Variants in CYP4F2 observed in about 807,000 individuals in gnomAD.
CYP4F2 encodes the protein cytochrome P450 family 4 subfamily F member 2, also known as cytochrome P450 4F2.
A neutral mutation model predicts 58.9 loss-of-function variants in CYP4F2; 58 were observed. The ratio of observed to expected loss-of-function variants is 0.98; its 90% CI spans 0.80 to 1.23. The LOEUF is 1.23. CYP4F2 is among the 50% of genes most tolerant of loss of function. The pLI is 0.00. For missense variants in CYP4F2, 616 were observed against 685.6 expected, an observed-to-expected ratio of 0.90 and a Z score of 1.13; for synonymous variants, 287 against 261.1, an observed-to-expected ratio of 1.10 and a Z score of -0.95.
At chr19:15,895,461 T>G in intron 3 of CYP4F2, 45 bp downstream of exon 3, 1 of 1,462,822 alleles carries the variant, frequency 6.8e-7, no homozygotes, top group Non-Finnish European at 9.0e-7. Context: ...ATAGCGGAAG[T>G]GCAGGCCTCA....
At chr19:15,886,385 A>C in intron 7 of CYP4F2, 77 bp from the exon 8 acceptor site, 1 of 1,444,102 alleles carries the variant, frequency 6.9e-7, no homozygotes, top group Non-Finnish European at 9.4e-7. Flanking sequence ...TCTTGAGTCT[A>C]ATCTGAGACA....
chr19:15,879,856 T>C lies in CYP4F2; in HGVS notation c.1157A>G (p.Lys386Arg). ...AHLPFLTMCM[K>R]ESLRLHPPVP... ...TGGGGGATGCAGCCGCAGGCTCTCC[T>C]TCATGCACATGGTCAGGAAGGGCAA... Residue 386 changes from lysine to arginine, a missense_variant, in exon 10 of 13, where the codon AAG becomes AGG. Transcript: ENST00000221700. The C allele has an allele frequency of 6.2e-7, 1 of 1,614,150 alleles. No homozygotes were observed. Among genetic ancestry groups the C allele is most frequent in the Non-Finnish European group, 8.5e-7 (1 of 1,180,024 alleles).
At chr19:15,886,178 C>T (rs1178056154) in intron 8 of CYP4F2, 64 bp downstream of exon 8, 6 of 1,611,690 alleles carry the variant, frequency 3.7e-6, no homozygotes, top group African/African-American at 1.3e-5. Flanking sequence ...TGGGGGTCTA[C>T]CCACCCTGTT....
intron 7 of CYP4F2, among the ~76,000 whole-genome samples, chr19:15,887,753 T>G (rs1421909409): frequency 2.0e-4 from 30 of 150,036 alleles, no homozygotes; most frequent in African/African-American, 4.5e-4. Context: ...CAAATACACG[T>G]AAACATAGAC....
In CYP4F2 at chr19:15,895,561, G is replaced by C; in HGVS notation, c.288C>G (p.Ser96=). 1.9e-6 allele frequency: 3 copies of C among 1,559,016 alleles called. No homozygotes were observed. Among genetic ancestry groups the C allele is most frequent in the Non-Finnish European group, 2.6e-6 (3 of 1,160,236 alleles). The change falls in exon 3 of 13, where the codon TCC becomes TCG. Residue 96 remains serine, a synonymous_variant. Coordinates refer to ENST00000221700, the MANE Select transcript of CYP4F2 (RefSeq NM_001082.5). ...QGFKVWMGPI[S]PLLSLCHPDI... ...CGGGGTGGCACAAACTGAGGAGGGG[G>C]GAGATGGGTCCCATCCAGACCTTAA...
rs771966684 is a variant in CYP4F2, at chr19:15,879,422, C to T, written c.1321G>A (p.Asp441Asn). The T allele has an allele frequency of 1.2e-5, 20 of 1,613,922 alleles. No individual in the cohort carries two copies. Among genetic ancestry groups the T allele is most frequent in the Non-Finnish European group, 1.4e-5 (16 of 1,180,012 alleles). The change falls in exon 12 of 13, where the codon GAC (aspartate) becomes AAC (asparagine). Residue 441 changes from aspartate (D) to asparagine (N), a missense_variant. Physicochemically the swap from Asp to Asn is conservative, Grantham distance 23. Coordinates refer to ENST00000221700, the MANE Select transcript of CYP4F2 (RefSeq NM_001082.5). Reference protein sequence around the residue: ...PAVWPDPEVYDPFRFDPENIK... With the variant: ...PAVWPDPEVYNPFRFDPENIK... Reference sequence around the variant, plus strand: ...TTCTCTGGGTCAAAGCGAAAGGGGTCGTAGACCTGGAGGTGAGACCAAGAA... The same window carrying T: ...TTCTCTGGGTCAAAGCGAAAGGGGTTGTAGACCTGGAGGTGAGACCAAGAA...
At chr19:15,879,540 C>G in intron 11 of CYP4F2, 64 bp downstream of exon 11, 1 of 1,610,384 alleles carries the variant, frequency 6.2e-7, no homozygotes, top group Non-Finnish European at 8.5e-7. Flanking sequence ...TACTCCTGAT[C>G]AAAACCCTGC....
intron 3 of CYP4F2, among the ~76,000 whole-genome samples, chr19:15,893,551 C>T (rs1483204588): frequency 6.6e-6 from 1 of 152,194 alleles, no homozygotes; most frequent in Non-Finnish European, 1.5e-5. Context: ...ATATAACAGC[C>T]ATTGTAGAGA....
chr19:15,886,392 G>C, intron 7 of CYP4F2, 84 bp from the exon 8 acceptor site: 2 of 1,516,896 alleles, frequency 1.3e-6, no homozygotes, highest in Non-Finnish European at 1.8e-6. Context: ...TCTAATCTGA[G>C]ACAGTCTCTG....
chr19:15,887,924 A>G (rs975150949), intron 7 of CYP4F2, among the ~76,000 whole-genome samples: 7 of 152,116 alleles, frequency 4.6e-5, no homozygotes, highest in Non-Finnish European at 8.8e-5. Flanking sequence ...AAACCTAGAC[A>G]TAGACACAGA....
intron 7 of CYP4F2, among the ~76,000 whole-genome samples, chr19:15,888,241 A>G (rs1180703065): frequency 6.6e-6 from 1 of 151,904 alleles, no homozygotes; most frequent in Non-Finnish European, 1.5e-5. Flanking sequence ...CAGGCACACA[A>G]ATACAAATAC....
In CYP4F2 at chr19:15,878,814, C is replaced by T. The variant is rs767226438; in HGVS notation, c.1520G>A (p.Arg507His). The part of the protein sequence containing the change: ...EPRRKPELVL[R>H]AEGGLWLRVE... Reference sequence around the variant, plus strand: ...CCGCAGCCAAAGTCCGCCCTCTGCGCGCAGGACCAGCTCCGGCTTCCTGCG... The same window carrying T: ...CCGCAGCCAAAGTCCGCCCTCTGCGTGCAGGACCAGCTCCGGCTTCCTGCG... Residue 507 changes from arginine to histidine, a missense_variant, in exon 13 of 13, where the codon CGC becomes CAC. Arg to His is a conservative substitution (Grantham distance 29, BLOSUM62 0). Transcript: ENST00000221700. 3 of 1,613,922 alleles carry T rather than the reference C, an allele frequency of 1.9e-6. No homozygotes were observed. The highest frequency in any genetic ancestry group is 1.7e-6 in the Non-Finnish European group (2 of 1,179,914).
intron 9 of CYP4F2, among the ~76,000 whole-genome samples, chr19:15,881,235 A>G (rs2089342367): frequency 6.6e-6 from 1 of 152,244 alleles, no homozygotes; most frequent in Non-Finnish European, 1.5e-5. Flanking sequence ...ATAACTGAAA[A>G]TGTTTATGTG....
In CYP4F2 at chr19:15,892,959, T is replaced by C. The variant is rs2270066; in HGVS notation, c.344-377A>G. On this transcript the variant is annotated intron_variant, in intron 3 of 12. Transcript: ENST00000221700. ...CCCAGCACTCTCTGACATCTTCTGA[T>C]ATGGCATCTTCTGACATGGACCTGG... Among the ~76,000 whole-genome samples the C allele has an allele frequency of 1.1e-4, 16 of 152,320 alleles. No homozygotes were observed. In the East Asian group the frequency reaches 3.1e-3, roughly 29 times the overall value.
intron 3 of CYP4F2, among the ~76,000 whole-genome samples, chr19:15,895,010 G>A (rs113560224): frequency 6.6e-6 from 1 of 152,176 alleles, no homozygotes; most frequent in Non-Finnish European, 1.5e-5. Flanking sequence ...GTGATGCTAG[G>A]CCTGGCAAGG....
chr19:15,879,423 G>T lies in CYP4F2; in HGVS notation c.1320C>A (p.Tyr440Ter), dbSNP rs533748322. ...TCTCTGGGTCAAAGCGAAAGGGGTC[G>T]TAGACCTGGAGGTGAGACCAAGAAG... ...NPAVWPDPEV[Y>*]DPFRFDPENI... Residue 440 changes from tyrosine to a stop codon, truncating the protein, a stop_gained, in exon 12 of 13, where the codon TAC (tyrosine) becomes TAA (stop). Transcript: ENST00000221700. LOFTEE classifies it high-confidence loss of function. The T allele has an allele frequency of 1.9e-6, 3 of 1,613,574 alleles. No individual in the cohort carries two copies. The highest frequency in any genetic ancestry group is 2.7e-5 in the African/African-American group (2 of 74,892).
rs575325684 is a variant in CYP4F2, at chr19:15,878,414, C to T, written c.*357G>A. ...ACACTATGTGACCTTTTGCATCTGA[C>T]GTCTTTCATTCAGTATCATGCATTC... On this transcript the variant is annotated 3_prime_UTR_variant, in exon 13 of 13. Transcript: ENST00000221700. The T allele has an allele frequency of 1.1e-4, 26 of 238,420 alleles. No individual in the cohort carries two copies. The highest frequency in any genetic ancestry group is 2.5e-4 in the Admixed American group (5 of 19,782). The allele number at this position is 238,420 out of a possible 1,614,324, so 14.8% of individuals were successfully genotyped here.
Position 15,897,632 on chromosome 19 carries a change from G to A in CYP4F2, c.-1-20C>T. Reference sequence around the variant, plus strand: ...GACATCCTGCAGGGCAGACGGGATGGACGGTGAGATCCTGAGGCCCAGAGA... The same window carrying A: ...GACATCCTGCAGGGCAGACGGGATGAACGGTGAGATCCTGAGGCCCAGAGA... On this transcript the variant is annotated intron_variant, in intron 1 of 12. Coordinates refer to ENST00000221700, the MANE Select transcript of CYP4F2 (RefSeq NM_001082.5). The A allele has an allele frequency of 6.2e-7, 1 of 1,612,082 alleles. No individual in the cohort carries two copies. Among genetic ancestry groups the A allele is most frequent in the Non-Finnish European group, 8.5e-7 (1 of 1,179,708 alleles).
chr19:15,881,595 A>ATAGATAGG (rs1555774133), intron 9 of CYP4F2, among the ~76,000 whole-genome samples: 3 of 100,872 alleles, frequency 3.0e-5, no homozygotes, highest in African/African-American at 9.5e-5. Flanking sequence ...AGATAGATAG[A>ATAGATAGG]TAGATAGATA....
Sources: allele counts gnomAD v4.1 joint callset (sites outside exome capture counted in the v4.1 genomes callset), GRCh38; gene constraint gnomAD v4.1.1; transcripts MANE v1.5; gene names NCBI Gene and HGNC (gene_info 2026-07-23, HGNC 2026-07-21).